CES1: variants seen among roughly 807,000 people sequenced by gnomAD.
The protein encoded by CES1 is liver carboxylesterase 1.
Under a neutral mutation model 53.0 loss-of-function variants are expected in CES1, and 50 were observed. The ratio of observed to expected loss-of-function variants is 0.94; its 90% CI spans 0.75 to 1.19. CES1 has a LOEUF of 1.19. Ranked by LOEUF, CES1 falls within the 50% of genes most tolerant of loss-of-function variation. The pLI, the probability that CES1 is intolerant of heterozygous loss-of-function variation, is 0.00. For missense variants in CES1, 534 were observed against 538.0 expected (o/e 0.99, Z 0.07); for synonymous variants, 202 against 210.1 (o/e 0.96, Z 0.33).
chr16:55,826,347 T>C lies in CES1; in HGVS notation c.261-52A>G, dbSNP rs746230202. 6 of 1,608,760 alleles carry C rather than the reference T, an allele frequency of 3.7e-6. No individual in the cohort carries two copies. The South Asian group carries it at 5.5e-5, about 15-fold the overall frequency. ...GAAGTTCAGCCAGATCTAAGCGAGG[T>C]GTTTTCTACGGCAGCGCCTTGGACT... On this transcript the variant is annotated intron_variant, in intron 2 of 13. Transcript: ENST00000360526.
At chr16:55,820,118 G>A in intron 6 of CES1, 1 of 587,292 alleles carries the variant, frequency 1.7e-6, no homozygotes, top group Non-Finnish European at 3.1e-6. Flanking sequence ...GCCATGAGCT[G>A]GAGTCCCAGC....
chr16:55,828,340 T>C (rs2032497210), intron 2 of CES1, among the ~76,000 whole-genome samples: 1 of 152,188 alleles, frequency 6.6e-6, no homozygotes, highest in Non-Finnish European at 1.5e-5. Context: ...TCTCCCCGAC[T>C]ATGTCAAAAT....
intron 3 of CES1, among the ~76,000 whole-genome samples, chr16:55,824,684 C>G (rs1249737866): frequency 4.6e-5 from 7 of 152,254 alleles, no homozygotes; most frequent in Non-Finnish European, 1.0e-4. Context: ...AGTGAGTCCA[C>G]TGTTAGGGCA....
chr16:55,818,566 T>A (rs1297899866), intron 7 of CES1, among the ~76,000 whole-genome samples: 1 of 152,034 alleles, frequency 6.6e-6, no homozygotes, highest in Admixed American at 6.5e-5. Flanking sequence ...TCCTCCGCCT[T>A]CTCTGTGAAG....
In CES1 at chr16:55,828,212, A is replaced by G. The variant is rs556829235; in HGVS notation, c.260+555T>C. 7 of 194,688 alleles carry G rather than the reference A, an allele frequency of 3.6e-5. No homozygotes were observed. The South Asian group carries it at 4.8e-4, about 13-fold the overall frequency. 12.1% of individuals were successfully genotyped at this position (194,688 alleles called of 1,614,324 possible). Reference sequence around the variant, plus strand: ...TTGGGCTTTTCTTCCCAGCTTGGCCAGGGTGAATGGACACACCTTCCATTG... The same window carrying G: ...TTGGGCTTTTCTTCCCAGCTTGGCCGGGGTGAATGGACACACCTTCCATTG... On this transcript the variant is annotated intron_variant, in intron 2 of 13. Transcript: ENST00000360526.
rs751662163 is a variant in CES1 at position 55,813,033 on chromosome 16, AG to A, written c.955del (p.Leu319PhefsTer5). The A allele has an allele frequency of 2.3e-4, 375 of 1,613,924 alleles. No individual in the cohort carries two copies. Among genetic ancestry groups the A allele is most frequent in the East Asian group, 4.2e-4 (19 of 44,882 alleles). ...LQGDPRESQP[L>X]LGTVIDGMLL... ...CATCCCATCAATCACAGTGCCCAGAAGGGGTTGACTCTGGGGAGAGAGCAGT... is the reference window on the plus strand; with the variant it reads ...CATCCCATCAATCACAGTGCCCAGAAGGGTTGACTCTGGGGAGAGAGCAGT... On this transcript the variant is annotated frameshift_variant, in exon 9 of 14. Transcript: ENST00000360526. LOFTEE classifies it high-confidence loss of function.
chr16:55,817,770 G>A (rs2032007369), intron 7 of CES1, among the ~76,000 whole-genome samples: 1 of 152,012 alleles, frequency 6.6e-6, no homozygotes, highest in Admixed American at 6.6e-5. Flanking sequence ...GTGTGTGTGT[G>A]TGTTTGTCTG....
chr16:55,822,280 G>T (rs1253643417), intron 4 of CES1, among the ~76,000 whole-genome samples: 1 of 152,262 alleles, frequency 6.6e-6, no homozygotes, highest in African/African-American at 2.4e-5. Context: ...TATAAAAGTG[G>T]CAGGGATCTG....
At chr16:55,809,092 G>GAAAAAAAA (rs1567490315) in intron 11 of CES1, among the ~76,000 whole-genome samples, 2 of 8,400 alleles carry the variant, frequency 2.4e-4, no homozygotes, top group African/African-American at 5.3e-4. Flanking sequence ...TGTAGTCCTG[G>GAAAAAAAA]CAAAAAAAAA....
Position 55,819,422 on chromosome 16 carries a change from A to G in CES1, c.906+113T>C, listed in dbSNP as rs149684025. 1.1e-4 allele frequency: 90 copies of G among 810,646 alleles called. 1 individual carries two copies. The African/African-American group carries it at 1.4e-3, about 13-fold the overall frequency. 50.2% of individuals were successfully genotyped at this position (810,646 alleles called of 1,614,324 possible). A position where few individuals can be genotyped will look rare whatever the true frequency, so the allele number is the denominator to read the frequency against. ...GACAAATCAGATTCCCCATTCAGATACTGAGAGTTGAGAAATTGTCCCAGG... is the reference window on the plus strand; with the variant it reads ...GACAAATCAGATTCCCCATTCAGATGCTGAGAGTTGAGAAATTGTCCCAGG... On this transcript the variant is annotated intron_variant, in intron 7 of 13. Coordinates refer to ENST00000360526, the MANE Select transcript of CES1 (RefSeq NM_001025195.2).
intron 11 of CES1, among the ~76,000 whole-genome samples, chr16:55,809,877 G>A (rs1290815824): frequency 6.6e-6 from 1 of 152,176 alleles, no homozygotes; most frequent in Non-Finnish European, 1.5e-5. Context: ...GCAGCCCTAT[G>A]TCCCACAATA....
intron 11 of CES1, 93 bp downstream of exon 11, chr16:55,810,424 C>T: frequency 6.5e-7 from 1 of 1,530,002 alleles, no homozygotes; most frequent in East Asian, 2.2e-5. Context: ...TGACCCTCAG[C>T]TGTTTCCATG....
intron 1 of CES1, among the ~76,000 whole-genome samples, chr16:55,831,094 G>A (rs1241576544): frequency 6.6e-6 from 1 of 152,200 alleles, no homozygotes; most frequent in African/African-American, 2.4e-5. Context: ...CTCCTGGACT[G>A]TGAGGGTACA....
intron 3 of CES1, among the ~76,000 whole-genome samples, chr16:55,824,691 G>C (rs1362537303): frequency 1.3e-5 from 2 of 152,228 alleles, no homozygotes; most frequent in Non-Finnish European, 2.9e-5. Flanking sequence ...CCACTGTTAG[G>C]GCAGGGGTAT....
intron 4 of CES1, 92 bp from the exon 5 acceptor site, chr16:55,821,613 C>T: frequency 5.0e-6 from 7 of 1,399,618 alleles, no homozygotes; most frequent in African/African-American, 1.4e-5. Flanking sequence ...CTCAGTGAAC[C>T]CTTAAGAATA....
At chr16:55,830,080 A>G (rs1373166524) in intron 1 of CES1, among the ~76,000 whole-genome samples, 2 of 152,198 alleles carry the variant, frequency 1.3e-5, no homozygotes, top group African/African-American at 4.8e-5. Context: ...TGCTTTGGAT[A>G]CAGACAAGAC....
At chr16:55,820,552 T>C in intron 5 of CES1, 73 bp from the exon 6 acceptor site, 2 of 1,610,646 alleles carry the variant, frequency 1.2e-6, no homozygotes, top group Non-Finnish European at 1.7e-6. Context: ...TATTCCAGGC[T>C]AGATCTACTC....
At chr16:55,810,247 A>G (rs1170164489) in intron 11 of CES1, among the ~76,000 whole-genome samples, 2 of 152,030 alleles carry the variant, frequency 1.3e-5, no homozygotes, top group African/African-American at 4.8e-5. Context: ...ATTGGATTCC[A>G]TCTCTTTCCT....
At position 55,810,587 on chromosome 16, in the gene CES1, GTCTT is replaced by G; in HGVS notation, c.1244_1247del (p.Lys415ThrfsTer6). On this transcript the variant is annotated frameshift_variant, in exon 11 of 14. Coordinates refer to ENST00000360526, the MANE Select transcript of CES1 (RefSeq NM_001025195.2). LOFTEE classifies it high-confidence loss of function. ...CATCTGCTATCAAGTCCAGGAACAG[GTCTT>G]TCTTTTTGACAGTGTCGTCTGTTCC... is the stretch of plus-strand genomic sequence containing the variant. The G allele has an allele frequency of 6.2e-7, 1 of 1,614,142 alleles. No individual in the cohort carries two copies. Among genetic ancestry groups the G allele is most frequent in the South Asian group, 1.1e-5 (1 of 91,076 alleles).
Sources: allele counts gnomAD v4.1 joint callset (sites outside exome capture counted in the v4.1 genomes callset), GRCh38; gene constraint gnomAD v4.1.1; transcripts MANE v1.5; gene names NCBI Gene and HGNC (gene_info 2026-07-23, HGNC 2026-07-21).